GPM6A: variants seen among roughly 807,000 people sequenced by gnomAD.
GPM6A encodes neuronal membrane glycoprotein M6-a.
A neutral mutation model predicts 32.1 loss-of-function variants in GPM6A; 7 were observed. That is an observed-to-expected ratio of 0.22 (90% CI 0.12 to 0.41). The LOEUF is 0.41. Among genes scored for constraint, GPM6A ranks in the 10% least tolerant of loss-of-function variants. GPM6A has a pLI of 1.00. For synonymous variants in GPM6A, 130 were observed against 123.4 expected (o/e 1.05, Z -0.35); for missense variants, 235 against 347.2 (o/e 0.68, Z 2.57).
chr4:175,694,066 G>C (rs1744438867), intron 2 of GPM6A, among the ~76,000 whole-genome samples: 1 of 152,016 alleles, frequency 6.6e-6, no homozygotes, highest in Non-Finnish European at 1.5e-5. Flanking sequence ...GTTTCCTGAG[G>C]CCTCCCTAGA....
chr4:175,641,014 G>T, intron 4 of GPM6A, 185 bp from the exon 5 acceptor site: 1 of 570,822 alleles, frequency 1.8e-6, no homozygotes, highest in East Asian at 2.9e-5. Context: ...AATATAATAT[G>T]CAAGACTATT....
intron 1 of GPM6A, among the ~76,000 whole-genome samples, chr4:175,883,511 C>T (rs990685375): frequency 1.6e-4 from 25 of 152,146 alleles, no homozygotes; most frequent in Non-Finnish European, 3.4e-4. Flanking sequence ...CTTTTGGATG[C>T]TAAATTTTCA....
At chr4:175,904,672 A>T (rs1227875685) in intron 1 of GPM6A, among the ~76,000 whole-genome samples, 2 of 152,162 alleles carry the variant, frequency 1.3e-5, no homozygotes, top group Admixed American at 1.3e-4. Flanking sequence ...CTTGAAAAAG[A>T]TAATGGCCTC....
At chr4:175,850,644 G>C (rs1421270722) in intron 1 of GPM6A, among the ~76,000 whole-genome samples, 1 of 151,850 alleles carries the variant, frequency 6.6e-6, no homozygotes, top group East Asian at 1.9e-4. Context: ...ATCTCAGGTG[G>C]AATTTTCTTA....
chr4:175,987,722 G>T (rs868124986), intron 1 of GPM6A, among the ~76,000 whole-genome samples: 1 of 152,002 alleles, frequency 6.6e-6, no homozygotes, highest in Non-Finnish European at 1.5e-5. Context: ...CCAATTTAGT[G>T]GATCTAGAAG....
chr4:175,793,676 A>C (rs969872929), intron 1 of GPM6A, among the ~76,000 whole-genome samples: 1 of 152,110 alleles, frequency 6.6e-6, no homozygotes, highest in African/African-American at 2.4e-5. Flanking sequence ...GTACCCGGCC[A>C]AGATCCATGA....
At chr4:175,777,698 G>A (rs1168043608) in intron 1 of GPM6A, among the ~76,000 whole-genome samples, 1 of 151,804 alleles carries the variant, frequency 6.6e-6, no homozygotes, top group Non-Finnish European at 1.5e-5. Context: ...TTACTAACAG[G>A]ATATTAAATT....
intron 1 of GPM6A, among the ~76,000 whole-genome samples, chr4:175,801,326 T>A (rs1420677324): frequency 6.7e-6 from 1 of 148,552 alleles, no homozygotes; most frequent in African/African-American, 2.5e-5. Flanking sequence ...ACATTAATAT[T>A]ATAGGTATGT....
At chr4:175,734,193 G>A (rs1731556795) in intron 1 of GPM6A, among the ~76,000 whole-genome samples, 1 of 149,850 alleles carries the variant, frequency 6.7e-6, no homozygotes, top group South Asian at 2.1e-4. Context: ...TGCCAGTGCT[G>A]CTCTTCTTAC....
At chr4:175,775,133 T>C (rs960165618) in intron 1 of GPM6A, among the ~76,000 whole-genome samples, 14 of 152,240 alleles carry the variant, frequency 9.2e-5, no homozygotes, top group African/African-American at 2.9e-4. Context: ...TCTTTGGAAG[T>C]ATTTAGAATT....
intron 1 of GPM6A, among the ~76,000 whole-genome samples, chr4:175,730,836 G>T (rs965683537): frequency 6.6e-6 from 1 of 152,044 alleles, no homozygotes; most frequent in African/African-American, 2.4e-5. Context: ...CAAAGTACAT[G>T]ATTCAGTTCT....
chr4:175,880,097 C>G (rs1737220693), intron 1 of GPM6A, among the ~76,000 whole-genome samples: 1 of 152,194 alleles, frequency 6.6e-6, no homozygotes, highest in East Asian at 1.9e-4. Flanking sequence ...TTTCAGCTTT[C>G]TGCATATGGC....
At chr4:175,923,753 C>T (rs1464913276) in intron 1 of GPM6A, among the ~76,000 whole-genome samples, 1 of 151,962 alleles carries the variant, frequency 6.6e-6, no homozygotes, top group African/African-American at 2.4e-5. Context: ...AGGGTCTCAT[C>T]ATGTTGCTCA....
chr4:175,793,847 A>G (rs1734107379), intron 1 of GPM6A, among the ~76,000 whole-genome samples: 1 of 152,208 alleles, frequency 6.6e-6, no homozygotes, highest in Admixed American at 6.5e-5. Context: ...GAGGGAAAAT[A>G]TTTTAAAATA....
At chr4:175,731,931 A>G (rs938119348) in intron 1 of GPM6A, among the ~76,000 whole-genome samples, 2 of 148,872 alleles carry the variant, frequency 1.3e-5, no homozygotes, top group Non-Finnish European at 3.0e-5. Context: ...TCCCTCAGGT[A>G]GGGAACACGA....
At chr4:175,667,116 A>T (rs938897576) in intron 3 of GPM6A, among the ~76,000 whole-genome samples, 9 of 152,234 alleles carry the variant, frequency 5.9e-5, no homozygotes, top group Non-Finnish European at 1.3e-4. Context: ...CCTTCTATAT[A>T]CAGGATGTTT....
intron 1 of GPM6A, chr4:176,002,168 G>A: frequency 4.3e-6 from 4 of 929,718 alleles, no homozygotes; most frequent in Admixed American, 2.0e-5. Flanking sequence ...AGAGGGCGGG[G>A]GGCGGGGGAC....
chr4:175,654,691 C>T (rs1240971152), intron 3 of GPM6A, among the ~76,000 whole-genome samples: 2 of 152,088 alleles, frequency 1.3e-5, no homozygotes, highest in Non-Finnish European at 2.9e-5. Flanking sequence ...TTCTTGGAAA[C>T]CACCCTGAAA....
chr4:175,890,067 G>T (rs1737592668), intron 1 of GPM6A, among the ~76,000 whole-genome samples: 1 of 152,060 alleles, frequency 6.6e-6, no homozygotes, highest in Non-Finnish European at 1.5e-5. Context: ...AAAATAGGCA[G>T]GCTCACTAAT....
Sources: gnomAD v4.1 joint callset for allele counts (sites outside exome capture counted in the v4.1 genomes callset) on GRCh38, gnomAD v4.1.1 for gene constraint, MANE v1.5 for transcripts, NCBI Gene and HGNC (gene_info 2026-07-23, HGNC 2026-07-21) for gene names.